EPHA5: variants seen among roughly 807,000 people sequenced by gnomAD.
EPHA5 encodes EPH receptor A5.
A neutral mutation model predicts 105.0 loss-of-function variants in EPHA5; 60 were observed. That is an observed-to-expected ratio of 0.57 (90% CI 0.46 to 0.71). The LOEUF is 0.71. EPHA5 is among the 30% of genes least tolerant of loss of function. The pLI, the probability that EPHA5 is intolerant of heterozygous loss-of-function variation, is 0.00. For synonymous variants in EPHA5, 513 were observed against 449.1 expected, an observed-to-expected ratio of 1.14 and a Z score of -1.80; for missense variants, 1,218 against 1,274.7, an observed-to-expected ratio of 0.96 and a Z score of 0.68.
chr4:65,469,628 T>A (rs2149158025), intron 5 of EPHA5, among the ~76,000 whole-genome samples: 1 of 152,216 alleles, frequency 6.6e-6, no homozygotes, highest in African/African-American at 2.4e-5. Context: ...GGAAAGAGGA[T>A]CAGATTCAGG....
chr4:65,386,279 T>C (rs1369468812), intron 8 of EPHA5, among the ~76,000 whole-genome samples: 1 of 151,844 alleles, frequency 6.6e-6, no homozygotes, highest in Admixed American at 6.6e-5. Flanking sequence ...TCTCATTAAA[T>C]CTAAAAATAA....
rs73822158 is a variant in EPHA5, at chr4:65,458,300, T to C, written c.1402+32077A>G. On this transcript the variant is annotated intron_variant, in intron 5 of 16. Coordinates refer to ENST00000613740, the MANE Select transcript of EPHA5 (RefSeq NM_001281766.3). ...AAATGAAATATTTATATTCTAGTAT[T>C]GAAGCCCTCCAAAATCTTATATCAA... Among the ~76,000 whole-genome samples the C allele has an allele frequency of 2.1e-3, 325 of 152,254 alleles. 1 individual carries two copies. Among genetic ancestry groups the C allele is most frequent in the African/African-American group, 7.7e-3 (319 of 41,568 alleles).
At chr4:65,379,902 AC>A (rs1355941711) in intron 8 of EPHA5, among the ~76,000 whole-genome samples, 1 of 151,830 alleles carries the variant, frequency 6.6e-6, no homozygotes, top group African/African-American at 2.4e-5. Context: ...AAGACAAGTT[AC>A]TTTTCTATGA....
intron 5 of EPHA5, among the ~76,000 whole-genome samples, chr4:65,425,454 T>C (rs1455048964): frequency 6.6e-6 from 1 of 152,020 alleles, no homozygotes; most frequent in East Asian, 1.9e-4. Flanking sequence ...ACACAGAGTA[T>C]TAGGCTTCTC....
intron 8 of EPHA5, among the ~76,000 whole-genome samples, chr4:65,384,359 T>C (rs1719881586): frequency 6.6e-6 from 1 of 152,000 alleles, no homozygotes; most frequent in Non-Finnish European, 1.5e-5. Flanking sequence ...TCACAATCTA[T>C]AGCAACTGGT....
chr4:65,394,525 T>C (rs573234731), intron 8 of EPHA5, among the ~76,000 whole-genome samples: 8 of 152,234 alleles, frequency 5.3e-5, no homozygotes, highest in African/African-American at 1.9e-4. Flanking sequence ...AAATGATGCA[T>C]GGTGTGTAGA....
At chr4:65,487,133 C>A (rs1268418385) in intron 5 of EPHA5, among the ~76,000 whole-genome samples, 1 of 152,130 alleles carries the variant, frequency 6.6e-6, no homozygotes, top group Non-Finnish European at 1.5e-5. Context: ...AACCATGAGC[C>A]AATTAAACCT....
chr4:65,548,057 A>G (rs1294719317), intron 3 of EPHA5, among the ~76,000 whole-genome samples: 1 of 151,502 alleles, frequency 6.6e-6, no homozygotes, highest in African/African-American at 2.4e-5. Flanking sequence ...AAATATAACC[A>G]GGACCATAAA....
chr4:65,663,388 TAC>T (rs1749704142), intron 1 of EPHA5, among the ~76,000 whole-genome samples: 1 of 152,034 alleles, frequency 6.6e-6, no homozygotes. Flanking sequence ...CCTACTAAAT[TAC>T]AGTTTTCTTT....
chr4:65,478,774 G>A (rs921181383), intron 5 of EPHA5, among the ~76,000 whole-genome samples: 4 of 152,060 alleles, frequency 2.6e-5, no homozygotes, highest in East Asian at 1.9e-4. Context: ...ACCCGGCTTT[G>A]ACCCTGTTAA....
chr4:65,362,641 T>C (rs1717435228), intron 11 of EPHA5, among the ~76,000 whole-genome samples: 1 of 151,618 alleles, frequency 6.6e-6, no homozygotes, highest in Admixed American at 6.6e-5. Flanking sequence ...TAGAATAGAA[T>C]TCACAGAATC....
chr4:65,537,045 A>G (rs1394215100), intron 3 of EPHA5, among the ~76,000 whole-genome samples: 3 of 151,816 alleles, frequency 2.0e-5, no homozygotes, highest in Non-Finnish European at 4.4e-5. Flanking sequence ...CAAATTTTCC[A>G]TAAAACCCTT....
At chr4:65,348,553 C>T (rs1234091645) in intron 13 of EPHA5, among the ~76,000 whole-genome samples, 2 of 150,556 alleles carry the variant, frequency 1.3e-5, no homozygotes, top group Admixed American at 6.6e-5. Context: ...CTCAAATTCC[C>T]TGGGTGCTTC....
At chr4:65,494,266 T>A (rs1337050421) in intron 4 of EPHA5, among the ~76,000 whole-genome samples, 1 of 152,184 alleles carries the variant, frequency 6.6e-6, no homozygotes, top group Non-Finnish European at 1.5e-5. Context: ...TTAGACACTA[T>A]GAAATTCAGA....
intron 5 of EPHA5, among the ~76,000 whole-genome samples, chr4:65,478,769 G>A (rs572778585): frequency 2.6e-5 from 4 of 152,044 alleles, no homozygotes; most frequent in African/African-American, 9.7e-5. Context: ...AAGGGACCCG[G>A]CTTTGACCCT....
intron 11 of EPHA5, among the ~76,000 whole-genome samples, chr4:65,361,692 G>T (rs531981247): frequency 6.6e-6 from 1 of 151,700 alleles, no homozygotes; most frequent in Non-Finnish European, 1.5e-5. Context: ...AATCAATGTA[G>T]TTGGATGTTC....
At chr4:65,421,586 T>C (rs569508526) in intron 5 of EPHA5, among the ~76,000 whole-genome samples, 1 of 152,260 alleles carries the variant, frequency 6.6e-6, no homozygotes, top group African/African-American at 2.4e-5. Flanking sequence ...AAAGACTAAG[T>C]CTTCAAAGTT....
rs1336501859 is a variant in EPHA5, at chr4:65,409,122, T to G, written c.1688-4643A>C. 2.3e-5 allele frequency among the ~76,000 whole-genome samples: 3 copies of G among 129,386 alleles called. No homozygotes were observed. In the Admixed American group the frequency reaches 2.7e-4, roughly 12 times the overall value. The allele number at this position is 129,386 out of a possible 152,430, so 84.9% of individuals were successfully genotyped here. A position where few individuals can be genotyped will look rare whatever the true frequency, so the allele number is the denominator to read the frequency against. On this transcript the variant is annotated intron_variant, in intron 7 of 16. Transcript: ENST00000613740. ...ACCAAACACCGCATATTCTCACTCA[T>G]AGGTGGGAATTGAACAATGAGAACA... is the stretch of plus-strand genomic sequence containing the variant.
At chr4:65,498,240 A>G (rs1732137730) in intron 3 of EPHA5, among the ~76,000 whole-genome samples, 1 of 152,078 alleles carries the variant, frequency 6.6e-6, no homozygotes, top group Non-Finnish European at 1.5e-5. Context: ...AAGTTTATAC[A>G]GGACAGAGGG....
Sources: gnomAD v4.1 joint callset for allele counts (sites outside exome capture counted in the v4.1 genomes callset) on GRCh38, gnomAD v4.1.1 for gene constraint, MANE v1.5 for transcripts, NCBI Gene and HGNC (gene_info 2026-07-23, HGNC 2026-07-21) for gene names.